Variants in CNGB3 observed in about 807,000 individuals in gnomAD.
CNGB3 encodes the protein cyclic nucleotide gated channel subunit beta 3, also known as cyclic nucleotide-gated channel beta-3.
In CNGB3, 86 loss-of-function variants were observed where a neutral mutation model predicts 92.8. That is an observed-to-expected ratio of 0.93 (90% CI 0.78 to 1.11). The LOEUF (loss-of-function observed/expected upper bound fraction) is 1.11. CNGB3 is among the 50% of genes least tolerant of loss of function. CNGB3 has a pLI of 0.00. For synonymous variants in CNGB3, 333 were observed against 332.7 expected (o/e 1.00, Z -0.01); for missense variants, 1,026 against 956.8 (o/e 1.07, Z -0.95).
At chr8:86,598,883 T>TC (rs1428455074) in intron 15 of CNGB3, among the ~76,000 whole-genome samples, 2 of 152,222 alleles carry the variant, frequency 1.3e-5, no homozygotes, top group Non-Finnish European at 2.9e-5. Context: ...ACCCTTTTTT[T>TC]CAAGTTAGGT....
chr8:86,675,293 A>G (rs1823945159), intron 3 of CNGB3, among the ~76,000 whole-genome samples: 1 of 152,062 alleles, frequency 6.6e-6, no homozygotes, highest in African/African-American at 2.4e-5. Context: ...AGCTGGTCTC[A>G]AACTCCTGGG....
chr8:86,685,734 G>C (rs1824175119), intron 3 of CNGB3, among the ~76,000 whole-genome samples: 1 of 152,106 alleles, frequency 6.6e-6, no homozygotes, highest in Non-Finnish European at 1.5e-5. Flanking sequence ...ACAGAAGAGA[G>C]AAGTGAAAAT....
At chr8:86,681,592 A>T (rs920220834) in intron 3 of CNGB3, among the ~76,000 whole-genome samples, 3 of 152,196 alleles carry the variant, frequency 2.0e-5, no homozygotes, top group African/African-American at 7.2e-5. Flanking sequence ...GAAGAAATGT[A>T]CAAGTCTTCA....
chr8:86,743,468 C>A (rs1229905691), intron 1 of CNGB3, 31 bp downstream of exon 1: 3 of 1,613,422 alleles, frequency 1.9e-6, no homozygotes, highest in Non-Finnish European at 2.5e-6. Flanking sequence ...TGATGAAAAT[C>A]AAGGCTTGCA....
intron 3 of CNGB3, among the ~76,000 whole-genome samples, chr8:86,691,851 G>T (rs771802236): frequency 6.6e-6 from 1 of 152,016 alleles, no homozygotes; most frequent in Non-Finnish European, 1.5e-5. Flanking sequence ...ATTTCTTGTT[G>T]CAGGTATTTA....
chr8:86,740,167 G>A (rs1237639367), intron 1 of CNGB3, among the ~76,000 whole-genome samples: 1 of 152,166 alleles, frequency 6.6e-6, no homozygotes, highest in African/African-American at 2.4e-5. Context: ...CCTTTGAAAT[G>A]CCGTTATGTC....
Position 86,716,910 on chromosome 8 carries a change from A to G in CNGB3, c.338+9621T>C, listed in dbSNP as rs543518685. 2.6e-5 allele frequency among the ~76,000 whole-genome samples: 4 copies of G among 152,324 alleles called. No individual in the cohort carries two copies. The East Asian group carries it at 7.7e-4, about 29-fold the overall frequency. On this transcript the variant is annotated intron_variant, in intron 3 of 17. Transcript: ENST00000320005. Reference sequence around the variant, plus strand: ...ATGTAAATGGCCAAATGCTCCACTTAAAATATACAGAATGGCAGAATGGAT... The same window carrying G: ...ATGTAAATGGCCAAATGCTCCACTTGAAATATACAGAATGGCAGAATGGAT...
At chr8:86,632,644 A>G (rs1052938727) in intron 11 of CNGB3, 108 bp downstream of exon 11, 10 of 1,206,664 alleles carry the variant, frequency 8.3e-6, no homozygotes, top group East Asian at 2.4e-5. Flanking sequence ...TTAGTTCAAA[A>G]AAAGAAGAAC....
chr8:86,597,455 A>G (rs1252825739), intron 15 of CNGB3, among the ~76,000 whole-genome samples: 1 of 152,236 alleles, frequency 6.6e-6, no homozygotes, highest in Non-Finnish European at 1.5e-5. Flanking sequence ...GTATAGTTAC[A>G]AAGATAAGTG....
At chr8:86,684,656 C>CAAA (rs34942527) in intron 3 of CNGB3, among the ~76,000 whole-genome samples, 1,269 of 122,504 alleles carry the variant, frequency 0.01, 19 homozygotes, top group African/African-American at 0.031. Flanking sequence ...ATACTTAAGC[C>CAAA]AAAAAAAAAA....
At chr8:86,728,132 G>T (rs891512249) in intron 2 of CNGB3, among the ~76,000 whole-genome samples, 13 of 152,086 alleles carry the variant, frequency 8.5e-5, no homozygotes, top group Non-Finnish European at 2.9e-5. Flanking sequence ...CTAGAAGAGA[G>T]AAAACACAGT....
chr8:86,651,348 T>A (rs887631326), intron 7 of CNGB3, among the ~76,000 whole-genome samples: 2 of 151,982 alleles, frequency 1.3e-5, no homozygotes, highest in East Asian at 3.9e-4. Flanking sequence ...CCTGCCGATA[T>A]TGAACAAGAA....
intron 3 of CNGB3, among the ~76,000 whole-genome samples, chr8:86,705,400 C>A (rs551964411): frequency 6.6e-6 from 1 of 152,030 alleles, no homozygotes; most frequent in South Asian, 2.1e-4. Flanking sequence ...ACGACCTGCC[C>A]CCGCTGCCCC....
chr8:86,679,676 C>T (rs1338896720), intron 3 of CNGB3, among the ~76,000 whole-genome samples: 1 of 152,136 alleles, frequency 6.6e-6, no homozygotes, highest in Non-Finnish European at 1.5e-5. Flanking sequence ...CAGTTGCCCA[C>T]CACCATGCCT....
At chr8:86,695,742 A>G (rs759611699) in intron 3 of CNGB3, among the ~76,000 whole-genome samples, 7 of 152,084 alleles carry the variant, frequency 4.6e-5, no homozygotes, top group Non-Finnish European at 1.0e-4. Flanking sequence ...AACCTCATTT[A>G]ATAGTATTAC....
At position 86,578,767 on chromosome 8, in the gene CNGB3, C is replaced by G. The variant is rs753663511; in HGVS notation, c.2025G>C (p.Leu675=). Residue 675 remains leucine, a synonymous_variant, in exon 17 of 18, where the codon CTG becomes CTC. Transcript: ENST00000320005. ...CTGTGCCTCCTAGGAGAGTTTTAAA[C>G]AGTTTGGGTGTCTCTTCTTTCGGTG... ...LFPPKEETPK[L]FKTLLGGTGK... is the part of the protein sequence containing the mutation. The G allele has an allele frequency of 2.5e-6, 4 of 1,613,932 alleles. No homozygotes were observed. Among genetic ancestry groups the G allele is most frequent in the Non-Finnish European group, 3.4e-6 (4 of 1,180,010 alleles).
chr8:86,701,471 A>C (rs1447793863), intron 3 of CNGB3, among the ~76,000 whole-genome samples: 3 of 152,184 alleles, frequency 2.0e-5, no homozygotes, highest in Non-Finnish European at 4.4e-5. Flanking sequence ...TAAATCTTCT[A>C]ATTCAATTGC....
chr8:86,589,976 G>T (rs541375609), intron 15 of CNGB3, among the ~76,000 whole-genome samples: 15 of 146,568 alleles, frequency 1.0e-4, no homozygotes, highest in South Asian at 4.6e-4. Context: ...GGGAGTCTAA[G>T]TCTCTTTGTA....
At chr8:86,582,479 C>T (rs1033914745) in intron 15 of CNGB3, among the ~76,000 whole-genome samples, 3 of 151,508 alleles carry the variant, frequency 2.0e-5, no homozygotes, top group Non-Finnish European at 2.9e-5. Flanking sequence ...GAACATTAAG[C>T]AAGATAAATG....
Sources: gnomAD v4.1 joint callset for allele counts (sites outside exome capture counted in the v4.1 genomes callset) on GRCh38, gnomAD v4.1.1 for gene constraint, MANE v1.5 for transcripts, NCBI Gene and HGNC (gene_info 2026-07-23, HGNC 2026-07-21) for gene names.